The following DENND1A variants were observed in gnomAD, a reference collection of about 807,000 sequenced individuals.
DENND1A encodes DENN domain-containing protein 1A.
A neutral mutation model predicts 113.7 loss-of-function variants in DENND1A; 51 were observed. The observed-to-expected ratio is 0.45, with a 90% confidence interval of 0.36 to 0.57. The LOEUF (loss-of-function observed/expected upper bound fraction) is 0.57. Ranked by LOEUF, DENND1A falls within the 20% of genes least tolerant of loss-of-function variation. DENND1A has a pLI of 0.00. For missense variants in DENND1A, 1,258 were observed against 1,395.9 expected, an observed-to-expected ratio of 0.90 and a Z score of 1.57; for synonymous variants, 565 against 570.8, an observed-to-expected ratio of 0.99 and a Z score of 0.14.
chr9:123,485,145 T>C (rs1328638076), intron 13 of DENND1A, among the ~76,000 whole-genome samples: 1 of 152,200 alleles, frequency 6.6e-6, no homozygotes, highest in Non-Finnish European at 1.5e-5. Flanking sequence ...GAGCCTGGCG[T>C]GCATGCATGA....
chr9:123,830,873 G>GAAA (rs71390447), intron 2 of DENND1A, among the ~76,000 whole-genome samples: 2 of 39,310 alleles, frequency 5.1e-5, no homozygotes, highest in Non-Finnish European at 9.1e-5. Flanking sequence ...TCTCAAAAAT[G>GAAA]AAAAAAAAAA....
At chr9:123,450,352 G>C (rs2047629882) in intron 18 of DENND1A, among the ~76,000 whole-genome samples, 1 of 152,238 alleles carries the variant, frequency 6.6e-6, no homozygotes, top group African/African-American at 2.4e-5. Context: ...GCAGAGGTCA[G>C]CCATAGCGGG....
intron 18 of DENND1A, among the ~76,000 whole-genome samples, chr9:123,444,469 C>A (rs760121819): frequency 6.6e-6 from 1 of 152,124 alleles, no homozygotes; most frequent in Non-Finnish European, 1.5e-5. Flanking sequence ...GCCTGGCCAA[C>A]GTGGTGAAAC....
At chr9:123,823,126 C>T (rs1455148640) in intron 2 of DENND1A, among the ~76,000 whole-genome samples, 1 of 152,130 alleles carries the variant, frequency 6.6e-6, no homozygotes, top group African/African-American at 2.4e-5. Context: ...GTGAATAAAA[C>T]ACAGTCTATA....
At chr9:123,479,327 C>G (rs898445273) in intron 13 of DENND1A, among the ~76,000 whole-genome samples, 2 of 152,168 alleles carry the variant, frequency 1.3e-5, no homozygotes, top group African/African-American at 2.4e-5. Context: ...AACTGACATC[C>G]CAGGATCACT....
At chr9:123,471,478 C>G (rs893880841) in intron 13 of DENND1A, among the ~76,000 whole-genome samples, 1 of 152,180 alleles carries the variant, frequency 6.6e-6, no homozygotes. Flanking sequence ...CTCAAGCAGC[C>G]CCATTTCAGT....
chr9:123,480,884 C>G (rs1019465323), intron 13 of DENND1A, among the ~76,000 whole-genome samples: 2 of 152,178 alleles, frequency 1.3e-5, no homozygotes, highest in Non-Finnish European at 2.9e-5. Flanking sequence ...TAAAAGGATA[C>G]CAAGATAGTT....
intron 11 of DENND1A, among the ~76,000 whole-genome samples, chr9:123,604,242 C>T (rs1184418826): frequency 6.6e-6 from 1 of 152,200 alleles, no homozygotes. Flanking sequence ...TCTCTGCTCC[C>T]TGGTTTATCT....
intron 2 of DENND1A, among the ~76,000 whole-genome samples, chr9:123,805,010 T>C (rs1835300667): frequency 6.6e-6 from 1 of 152,166 alleles, no homozygotes; most frequent in Non-Finnish European, 1.5e-5. Context: ...CCCGCCTTGC[T>C]GGTCTGCTTG....
At chr9:123,644,397 A>C (rs889193358) in intron 9 of DENND1A, among the ~76,000 whole-genome samples, 1 of 151,724 alleles carries the variant, frequency 6.6e-6, no homozygotes, top group South Asian at 2.1e-4. Context: ...AAAAAAAAAA[A>C]AAAAACCTCT....
chr9:123,622,363 G>T (rs1201267886), intron 10 of DENND1A, among the ~76,000 whole-genome samples: 1 of 152,138 alleles, frequency 6.6e-6, no homozygotes, highest in Non-Finnish European at 1.5e-5. Context: ...GAGGAAGGGG[G>T]AAAAAGAAAT....
intron 13 of DENND1A, among the ~76,000 whole-genome samples, chr9:123,541,514 G>A (rs1017623952): frequency 6.6e-6 from 1 of 152,124 alleles, no homozygotes; most frequent in Middle Eastern, 3.2e-3. Flanking sequence ...AACATTCCTC[G>A]CAGTAGGAAT....
intron 13 of DENND1A, among the ~76,000 whole-genome samples, chr9:123,481,264 G>A (rs1347413943): frequency 6.6e-6 from 1 of 152,220 alleles, no homozygotes; most frequent in African/African-American, 2.4e-5. Context: ...GCATGTGTGA[G>A]CTAAACAGCA....
chr9:123,782,039 T>G (rs1404801648), intron 3 of DENND1A, among the ~76,000 whole-genome samples: 1 of 151,920 alleles, frequency 6.6e-6, no homozygotes, highest in Non-Finnish European at 1.5e-5. Context: ...CACTGTACAT[T>G]AGCCTGGGTG....
chr9:123,381,527 G>C lies in DENND1A; in HGVS notation c.3118C>G (p.Gln1040Glu), dbSNP rs747017882. 45 of 1,613,664 alleles carry C rather than the reference G, an allele frequency of 2.8e-5. No individual in the cohort carries two copies. The Admixed American group carries it at 7.3e-4, about 26-fold the overall frequency. The change falls in exon 24 of 24, where the codon CAG becomes GAG. Residue 1040 changes from glutamine to glutamate, a missense_variant. By Grantham distance (29) the Gln-to-Glu change is conservative. This residue lies in a region of DENND1A where 1,159 missense variants were observed against 1,231.7 expected (regional missense o/e 0.94). Transcript: ENST00000394215. This position sits in a 1 kb window ranked among gnomAD's most constrained non-coding sequence, Gnocchi z 4.7. Reference sequence around the variant, plus strand: ...GGGCTCACGTCTTGCTTGGTTTTCTGTAACAAATCCTCAAAGGGGTCTCTG... The same window carrying C: ...GGGCTCACGTCTTGCTTGGTTTTCTCTAACAAATCCTCAAAGGGGTCTCTG... Reference protein sequence around the residue: ...QARDPFEDLLQKTKQDVSPSP... With the variant: ...QARDPFEDLLEKTKQDVSPSP...
intron 5 of DENND1A, among the ~76,000 whole-genome samples, chr9:123,725,442 C>T (rs954113316): frequency 1.3e-5 from 2 of 152,248 alleles, no homozygotes; most frequent in Admixed American, 6.5e-5. Context: ...AACATTTCAG[C>T]ATCACACTCC....
At chr9:123,484,741 C>T (rs1428727720) in intron 13 of DENND1A, among the ~76,000 whole-genome samples, 1 of 152,166 alleles carries the variant, frequency 6.6e-6, no homozygotes, top group East Asian at 1.9e-4. Context: ...GTCCTGTTTC[C>T]TCCTAACCTC....
intron 13 of DENND1A, among the ~76,000 whole-genome samples, chr9:123,472,657 C>T (rs1703141002): frequency 6.6e-6 from 1 of 152,144 alleles, no homozygotes; most frequent in Non-Finnish European, 1.5e-5. Context: ...CCTCAGGCAG[C>T]CACTGAGTTG....
At chr9:123,466,932 T>C (rs1273141903) in intron 13 of DENND1A, among the ~76,000 whole-genome samples, 1 of 151,076 alleles carries the variant, frequency 6.6e-6, no homozygotes, top group Non-Finnish European at 1.5e-5. Context: ...AAGTCTGTCA[T>C]GCCAGCTACT....
Sources: gnomAD v4.1 joint callset for allele counts (sites outside exome capture counted in the v4.1 genomes callset) on GRCh38, gnomAD v4.1.1 for gene constraint, gnomAD v4.1.1 regional missense constraint, Gnocchi (gnomAD v3.1) non-coding constraint, MANE v1.5 for transcripts, NCBI Gene and HGNC (gene_info 2026-07-23, HGNC 2026-07-21) for gene names.